SMAD3: variants seen among roughly 807,000 people sequenced by gnomAD.
SMAD3 encodes the protein SMAD family member 3, also known as MAD homolog 3.
Under a neutral mutation model 51.8 loss-of-function variants are expected in SMAD3, and 12 were observed. The ratio of observed to expected loss-of-function variants is 0.23; its 90% CI spans 0.15 to 0.38. The LOEUF is 0.38. Ranked by LOEUF, SMAD3 falls within the 10% of genes least tolerant of loss-of-function variation. The pLI is 1.00. For missense variants in SMAD3, 294 were observed against 565.6 expected (o/e 0.52, Z 4.87); for synonymous variants, 238 against 227.7 (o/e 1.05, Z -0.41).
intron 1 of SMAD3, among the ~76,000 whole-genome samples, chr15:67,095,993 G>C (rs751978007): frequency 6.6e-6 from 1 of 152,244 alleles, no homozygotes; most frequent in Non-Finnish European, 1.5e-5. Flanking sequence ...GGGGAGTTGA[G>C]TGAGAGTCAA....
intron 1 of SMAD3, among the ~76,000 whole-genome samples, chr15:67,150,099 A>G (rs1009584332): frequency 3.3e-5 from 5 of 152,202 alleles, no homozygotes. Context: ...TGTCCCAACC[A>G]TACTGTGTGA....
chr15:67,089,512 C>T (rs1179562474), intron 1 of SMAD3, among the ~76,000 whole-genome samples: 1 of 152,172 alleles, frequency 6.6e-6, no homozygotes, highest in Non-Finnish European at 1.5e-5. Context: ...GCACAACTTA[C>T]AGTTAGCGCA....
intron 1 of SMAD3, among the ~76,000 whole-genome samples, chr15:67,089,965 G>T (rs1329275945): frequency 6.6e-6 from 1 of 152,190 alleles, no homozygotes; most frequent in East Asian, 1.9e-4. Flanking sequence ...GTAGTGTTGG[G>T]GTTTGCTGCC....
At chr15:67,121,462 CG>C (rs1171199062) in intron 1 of SMAD3, among the ~76,000 whole-genome samples, 16 of 152,004 alleles carry the variant, frequency 1.1e-4, no homozygotes, top group African/African-American at 3.9e-4. Context: ...CCAGAGGCCC[CG>C]GGGAGGGCTG....
chr15:67,120,972 C>G (rs1176306550), intron 1 of SMAD3, among the ~76,000 whole-genome samples: 1 of 152,220 alleles, frequency 6.6e-6, no homozygotes, highest in Admixed American at 6.5e-5. Context: ...ACCGGACACC[C>G]CTGCTTAGAG....
At chr15:67,072,642 G>A (rs761344672) in intron 1 of SMAD3, among the ~76,000 whole-genome samples, 1 of 152,224 alleles carries the variant, frequency 6.6e-6, no homozygotes, top group Non-Finnish European at 1.5e-5. Context: ...GCAGCCTGCT[G>A]AATGTGCAGG....
rs188879376 is a variant in SMAD3, at chr15:67,164,634, A to G, written c.207-261A>G. 6.1e-3 allele frequency among the ~76,000 whole-genome samples: 936 copies of G among 152,302 alleles called. 6 individuals carry two copies. Among genetic ancestry groups the G allele is most frequent in the Non-Finnish European group, 8.0e-3 (546 of 68,018 alleles). ...GGAATGCCACTCCCTGAAGAGCAGT[A>G]CAAAGTTGGGGAACCCACCGGGGAC... On this transcript the variant is annotated intron_variant, in intron 1 of 8. Transcript: ENST00000327367.
At chr15:67,165,915 G>A (rs1239422061) in intron 3 of SMAD3, 1 of 164,250 alleles carries the variant, frequency 6.1e-6, no homozygotes, top group Non-Finnish European at 1.3e-5. Context: ...GTTTTTAGAA[G>A]CCCCTCATTT....
intron 1 of SMAD3, among the ~76,000 whole-genome samples, chr15:67,149,374 C>T (rs1020782923): frequency 7.9e-5 from 12 of 152,074 alleles, no homozygotes; most frequent in Admixed American, 2.6e-4. Context: ...GGGCTGATAC[C>T]GGGGAGAGTT....
At chr15:67,133,090 C>T (rs1019448751) in intron 1 of SMAD3, among the ~76,000 whole-genome samples, 1 of 152,158 alleles carries the variant, frequency 6.6e-6, no homozygotes, top group Non-Finnish European at 1.5e-5. Flanking sequence ...TCCTGTATTA[C>T]GCCCAGGGCA....
chr15:67,082,350 G>A (rs1960296310), intron 1 of SMAD3, among the ~76,000 whole-genome samples: 1 of 152,114 alleles, frequency 6.6e-6, no homozygotes, highest in Non-Finnish European at 1.5e-5. Flanking sequence ...TGCGATTTCT[G>A]TCTCCACCCC....
intron 1 of SMAD3, among the ~76,000 whole-genome samples, chr15:67,140,240 G>A (rs771683968): frequency 1.1e-4 from 16 of 152,198 alleles, no homozygotes; most frequent in Non-Finnish European, 2.1e-4. Flanking sequence ...ACAGATTGAT[G>A]AGTGTCTTGT....
At chr15:67,077,279 C>G (rs1374261460) in intron 1 of SMAD3, among the ~76,000 whole-genome samples, 1 of 152,174 alleles carries the variant, frequency 6.6e-6, no homozygotes, top group Non-Finnish European at 1.5e-5. Flanking sequence ...GTAGCATCCG[C>G]TCAGTTGCGT....
intron 1 of SMAD3, among the ~76,000 whole-genome samples, chr15:67,154,827 T>G (rs982273365): frequency 2.6e-5 from 4 of 152,166 alleles, no homozygotes; most frequent in Non-Finnish European, 5.9e-5. Context: ...AAAAAAAAAT[T>G]AAAAACACTT....
At chr15:67,117,911 G>A (rs1202124371) in intron 1 of SMAD3, among the ~76,000 whole-genome samples, 1 of 152,150 alleles carries the variant, frequency 6.6e-6, no homozygotes, top group Non-Finnish European at 1.5e-5. Context: ...GGCCAACGTG[G>A]CAAAACCCCG....
chr15:67,167,628 G>T (rs2140297785), intron 4 of SMAD3, among the ~76,000 whole-genome samples: 1 of 152,300 alleles, frequency 6.6e-6, no homozygotes, highest in Admixed American at 6.5e-5. Context: ...CCTGAAGCCA[G>T]TATTTTTGTG....
chr15:67,126,407 T>G (rs761745933), intron 1 of SMAD3, among the ~76,000 whole-genome samples: 8 of 152,108 alleles, frequency 5.3e-5, no homozygotes, highest in Non-Finnish European at 7.3e-5. Context: ...AGCTGTCTGT[T>G]TCTTGGCCTC....
chr15:67,066,379 GGGAC>G lies in SMAD3; in HGVS notation c.206+20_206+23del, dbSNP rs761264614. 19 of 1,603,242 alleles carry G rather than the reference GGGAC, an allele frequency of 1.2e-5. No individual in the cohort carries two copies. The highest frequency in any genetic ancestry group is 3.4e-5 in the Admixed American group (2 of 59,650). On this transcript the variant is annotated intron_variant, in intron 1 of 8. Coordinates refer to ENST00000327367, the MANE Select transcript of SMAD3 (RefSeq NM_005902.4). ...TCCCCAGGTGGGGGCCCGCCCGGGG[GGGAC>G]CCGGGGTCACGCCGGCCCAGCCCCC...
intron 1 of SMAD3, among the ~76,000 whole-genome samples, chr15:67,103,814 T>G (rs1359919222): frequency 6.6e-6 from 1 of 152,236 alleles, no homozygotes; most frequent in Non-Finnish European, 1.5e-5. Flanking sequence ...GACATTACCG[T>G]GAGTGACCAC....
Sources: gnomAD v4.1 joint callset for allele counts (sites outside exome capture counted in the v4.1 genomes callset) on GRCh38, gnomAD v4.1.1 for gene constraint, MANE v1.5 for transcripts, NCBI Gene and HGNC (gene_info 2026-07-23, HGNC 2026-07-21) for gene names.